PDE11A: variants seen among roughly 807,000 people sequenced by gnomAD.
PDE11A encodes the protein dual 3',5'-cyclic-AMP and -GMP phosphodiesterase 11A.
Under a neutral mutation model 100.5 loss-of-function variants are expected in PDE11A, and 100 were observed. The observed-to-expected ratio is 1.00, with a 90% CI of 0.85 to 1.18. PDE11A has a LOEUF of 1.18. Among genes scored for constraint, PDE11A ranks in the 50% most tolerant of loss-of-function variants. The probability of loss-of-function intolerance (pLI) is 0.00; values close to 1 mark genes in which losing one functional copy is unlikely to be tolerated. For missense variants in PDE11A, 1,141 were observed against 1,152.6 expected, an observed-to-expected ratio of 0.99 and a Z score of 0.15; for synonymous variants, 381 against 420.8, an observed-to-expected ratio of 0.91 and a Z score of 1.16.
chr2:177,862,249 C>T lies in PDE11A; in HGVS notation c.1367+13610G>A, dbSNP rs115777959. 7.2e-3 allele frequency among the ~76,000 whole-genome samples: 1,098 copies of T among 151,776 alleles called. 12 individuals are homozygous for T. The highest frequency in any genetic ancestry group is 0.025 in the African/African-American group (1,022 of 41,484). On this transcript the variant is annotated intron_variant, in intron 5 of 19. Coordinates refer to ENST00000286063, the MANE Select transcript of PDE11A (RefSeq NM_016953.4). ...AACACAATTGAAAATGATAAAGGAC[C>T]TGAATAGACGTTTCCTAAATAAGAC...
chr2:177,679,117 C>T (rs1476394043), intron 16 of PDE11A, among the ~76,000 whole-genome samples: 1 of 126,346 alleles, frequency 7.9e-6, no homozygotes, highest in Non-Finnish European at 1.7e-5. Flanking sequence ...CAATTAGGGG[C>T]TATAAAGAGA....
At position 177,623,815 on chromosome 2, in the gene PDE11A, C is replaced by T. The variant is rs1016284957; in HGVS notation, c.*5592G>A. 1 of 152,130 alleles carries T rather than the reference C, an allele frequency of 6.6e-6. No homozygotes were observed. The highest frequency in any genetic ancestry group is 2.4e-5 in the African/African-American group (1 of 41,424). The allele number at this position is 152,130 out of a possible 1,614,324, so 9.4% of individuals were successfully genotyped here. A position where few individuals can be genotyped will look rare whatever the true frequency, so the allele number is the denominator to read the frequency against. On this transcript the variant is annotated 3_prime_UTR_variant, in exon 20 of 20. Transcript: ENST00000286063. The stretch of plus-strand genomic sequence containing the variant: ...TATGTTATACAGATAAACAATTTAT[C>T]TTTAGCAGTGAGGAGAGAGGTACCA...
chr2:177,808,434 C>G (rs963997497), intron 9 of PDE11A, among the ~76,000 whole-genome samples: 1 of 152,126 alleles, frequency 6.6e-6, no homozygotes, highest in African/African-American at 2.4e-5. Flanking sequence ...CTTAGAACAA[C>G]AGGTACTATA....
chr2:177,718,018 T>C (rs1184036185), intron 12 of PDE11A, among the ~76,000 whole-genome samples: 2 of 152,230 alleles, frequency 1.3e-5, no homozygotes, highest in African/African-American at 4.8e-5. Context: ...CAACACTAGA[T>C]GGTGCTATAG....
intron 1 of PDE11A, among the ~76,000 whole-genome samples, chr2:178,021,432 T>C (rs564351637): frequency 3.3e-5 from 5 of 152,312 alleles, no homozygotes; most frequent in African/African-American, 1.2e-4. Context: ...ACTTTCTTAA[T>C]ATATACATAA....
chr2:177,777,389 C>A (rs1013494906), intron 9 of PDE11A, among the ~76,000 whole-genome samples: 1 of 152,102 alleles, frequency 6.6e-6, no homozygotes, highest in Non-Finnish European at 1.5e-5. Flanking sequence ...TTAGCATAGT[C>A]AATCTTCAAG....
At chr2:177,830,071 C>T (rs1341755496) in intron 6 of PDE11A, among the ~76,000 whole-genome samples, 1 of 152,156 alleles carries the variant, frequency 6.6e-6, no homozygotes, top group East Asian at 1.9e-4. Context: ...AGGGCAATCT[C>T]TGGGAGCTAA....
chr2:178,073,233 T>C (rs749525743), upstream of PDE11A, among the ~76,000 whole-genome samples: 3 of 152,184 alleles, frequency 2.0e-5, no homozygotes, highest in Admixed American at 1.3e-4. Context: ...CTGTGGATTG[T>C]TGGTTCCCAG....
intron 19 of PDE11A, among the ~76,000 whole-genome samples, chr2:177,644,229 TG>T (rs761026493): frequency 6.6e-5 from 10 of 152,340 alleles, no homozygotes; most frequent in Non-Finnish European, 1.3e-4. Context: ...AGATTCTCAA[TG>T]CCAGCCCATG....
intron 13 of PDE11A, among the ~76,000 whole-genome samples, chr2:177,709,945 G>C (rs1204094176): frequency 6.6e-6 from 1 of 151,874 alleles, no homozygotes; most frequent in African/African-American, 2.4e-5. Flanking sequence ...GAGAAGGGAA[G>C]GAAGTGAACC....
At chr2:177,793,368 C>T (rs1215127375) in intron 9 of PDE11A, among the ~76,000 whole-genome samples, 1 of 152,008 alleles carries the variant, frequency 6.6e-6, no homozygotes, top group Non-Finnish European at 1.5e-5. Context: ...ATAGTTTTGC[C>T]TGTTCTTGAA....
chr2:177,925,873 G>A (rs186501201), intron 2 of PDE11A, among the ~76,000 whole-genome samples: 69 of 152,288 alleles, frequency 4.5e-4, no homozygotes, highest in African/African-American at 1.7e-3. Flanking sequence ...TTTTTCTTCA[G>A]GACACTCGCT....
intron 2 of PDE11A, among the ~76,000 whole-genome samples, chr2:177,944,983 G>A (rs934110641): frequency 4.0e-5 from 6 of 149,902 alleles, no homozygotes; most frequent in Admixed American, 3.3e-4. Flanking sequence ...GGCACGCGCC[G>A]CCACGCCTGA....
In PDE11A at chr2:177,882,081, A is replaced by G. The variant is rs917581536; in HGVS notation, c.1303-6158T>C. The stretch of plus-strand genomic sequence containing the variant: ...AGTGGTAAGAGATATACTCGAGGAT[A>G]TATCCCCAGTTGGCAGGGGACAGTT... On this transcript the variant is annotated intron_variant, in intron 4 of 19. Transcript: ENST00000286063. 5.3e-5 allele frequency among the ~76,000 whole-genome samples: 8 copies of G among 152,220 alleles called. 1 individual carries two copies. Among genetic ancestry groups the G allele is most frequent in the Admixed American group, 5.2e-4 (8 of 15,278 alleles).
At chr2:177,783,418 T>G (rs563871393) in intron 9 of PDE11A, among the ~76,000 whole-genome samples, 1 of 152,044 alleles carries the variant, frequency 6.6e-6, no homozygotes, top group Non-Finnish European at 1.5e-5. Context: ...GTGGTTTTTT[T>G]CCCCCTGGAA....
intron 2 of PDE11A, among the ~76,000 whole-genome samples, chr2:177,960,884 C>T (rs891498781): frequency 2.0e-5 from 3 of 152,142 alleles, no homozygotes; most frequent in Admixed American, 6.6e-5. Context: ...TGTTGCCTCC[C>T]GACTGGTTGG....
At position 177,979,534 on chromosome 2, in the gene PDE11A, C is replaced by G. The variant is rs952524907; in HGVS notation, c.1071+34768G>C. 1.4e-4 allele frequency among the ~76,000 whole-genome samples: 21 copies of G among 148,810 alleles called. 1 individual carries two copies. The highest frequency in any genetic ancestry group is 4.4e-4 in the African/African-American group (18 of 40,770). On this transcript the variant is annotated intron_variant, in intron 2 of 19. Transcript: ENST00000286063. Reference sequence around the variant, plus strand: ...AGGGTTTTCCTGGTATGCAGCGTCTCAATTCTGTGGAATCCAGGGACTTGC... The same window carrying G: ...AGGGTTTTCCTGGTATGCAGCGTCTGAATTCTGTGGAATCCAGGGACTTGC...
At chr2:177,630,408 T>G (rs1460315889) in intron 19 of PDE11A, among the ~76,000 whole-genome samples, 1 of 152,220 alleles carries the variant, frequency 6.6e-6, no homozygotes, top group Non-Finnish European at 1.5e-5. Flanking sequence ...AAAAGTAAGA[T>G]GGCTTACTTT....
At chr2:177,959,076 G>A (rs960632601) in intron 2 of PDE11A, among the ~76,000 whole-genome samples, 1 of 152,150 alleles carries the variant, frequency 6.6e-6, no homozygotes, top group Non-Finnish European at 1.5e-5. Context: ...GTAACTTGAA[G>A]GTCAACGGAC....
Sources: allele counts gnomAD v4.1 joint callset (sites outside exome capture counted in the v4.1 genomes callset), GRCh38; gene constraint gnomAD v4.1.1; transcripts MANE v1.5; gene names NCBI Gene and HGNC (gene_info 2026-07-23, HGNC 2026-07-21).